Variants in SGCG observed in about 807,000 individuals in gnomAD.
SGCG encodes gamma-sarcoglycan.
SGCG carries 26 observed loss-of-function variants against 29.3 expected under a neutral mutation model. That is an observed-to-expected ratio of 0.89 (90% CI 0.65 to 1.23). The LOEUF (loss-of-function observed/expected upper bound fraction) is 1.23. Among genes scored for constraint, SGCG ranks in the 50% most tolerant of loss-of-function variants. The probability of loss-of-function intolerance (pLI) is 0.00; values close to 1 mark genes in which losing one functional copy is unlikely to be tolerated. For missense variants in SGCG, 353 were observed against 356.0 expected (o/e 0.99, Z 0.07); for synonymous variants, 145 against 129.7 (o/e 1.12, Z -0.80).
At chr13:23,177,281 T>C (rs924891371), upstream of SGCG, among the ~76,000 whole-genome samples, 4 of 152,114 alleles carry the variant, frequency 2.6e-5, no homozygotes, top group African/African-American at 9.7e-5. Context: ...TAGAAAGGTT[T>C]GGTGTCCTGT....
chr13:23,178,238 G>A (rs369918660), upstream of SGCG, among the ~76,000 whole-genome samples: 14 of 152,326 alleles, frequency 9.2e-5, no homozygotes, highest in East Asian at 1.6e-3. Context: ...GCCAGAGAAG[G>A]TGAATCTCCA....
At chr13:23,258,416 G>GT (rs139040509) in intron 4 of SGCG, among the ~76,000 whole-genome samples, 1,998 of 152,290 alleles carry the variant, frequency 0.013, 48 homozygotes, top group African/African-American at 0.046. Flanking sequence ...AGACATTGCT[G>GT]AAGTTGCTTA....
intron 5 of SGCG, among the ~76,000 whole-genome samples, chr13:23,284,182 T>C (rs992190508): frequency 6.6e-6 from 1 of 152,226 alleles, no homozygotes; most frequent in African/African-American, 2.4e-5. Context: ...TTCTCCTGGA[T>C]AATATCCTGA....
chr13:23,213,864 C>T (rs1037317153), intron 2 of SGCG, among the ~76,000 whole-genome samples: 36 of 152,256 alleles, frequency 2.4e-4, no homozygotes, highest in African/African-American at 8.4e-4. Context: ...CGAGGCTCAG[C>T]CTAGGGGTGG....
chr13:23,178,011 A>G (rs139452719), upstream of SGCG, among the ~76,000 whole-genome samples: 17 of 152,322 alleles, frequency 1.1e-4, no homozygotes, highest in African/African-American at 3.8e-4. Context: ...GACAAGGCAC[A>G]GAAGAGATGA....
chr13:23,197,891 A>G (rs999573319), intron 1 of SGCG, among the ~76,000 whole-genome samples: 1 of 152,232 alleles, frequency 6.6e-6, no homozygotes, highest in Non-Finnish European at 1.5e-5. Context: ...AATTTATGAA[A>G]TGAAATCATT....
the SGCG span, among the ~76,000 whole-genome samples, chr13:23,161,123 G>A: frequency 1.3e-5 from 2 of 152,160 alleles, no homozygotes; most frequent in East Asian, 3.9e-4. Flanking sequence ...TTACTTGGGG[G>A]TTTTAGAGGG....
chr13:23,319,213 G>A (rs995418437), intron 6 of SGCG, among the ~76,000 whole-genome samples: 13 of 151,602 alleles, frequency 8.6e-5, no homozygotes, highest in African/African-American at 3.2e-4. Flanking sequence ...CAGGAGAATC[G>A]CCTGAAGCCA....
At chr13:23,223,542 A>G (rs552621176) in intron 2 of SGCG, among the ~76,000 whole-genome samples, 1 of 152,364 alleles carries the variant, frequency 6.6e-6, no homozygotes, top group African/African-American at 2.4e-5. Flanking sequence ...TATTATTTTA[A>G]AGAAATTACT....
intron 6 of SGCG, among the ~76,000 whole-genome samples, chr13:23,315,118 A>G (rs373938229): frequency 6.6e-5 from 10 of 152,344 alleles, no homozygotes; most frequent in Admixed American, 5.9e-4. Flanking sequence ...GGTGAATCAC[A>G]GTGGAGGCCT....
chr13:23,300,912 A>T (rs1319999476), intron 6 of SGCG, among the ~76,000 whole-genome samples: 2 of 152,094 alleles, frequency 1.3e-5, no homozygotes, highest in African/African-American at 4.8e-5. Flanking sequence ...TCAGGAGATC[A>T]AGACCATCCT....
chr13:23,168,223 T>C, the SGCG span, among the ~76,000 whole-genome samples: 52 of 152,328 alleles, frequency 3.4e-4, no homozygotes, highest in Middle Eastern at 3.4e-3. Context: ...TAACTTGATG[T>C]GCCAGAAAAA....
At chr13:23,219,519 C>T (rs187356241) in intron 2 of SGCG, among the ~76,000 whole-genome samples, 36 of 152,114 alleles carry the variant, frequency 2.4e-4, no homozygotes, top group Non-Finnish European at 3.5e-4. Context: ...ATTTTTCTTC[C>T]TCTAGAAGAG....
chr13:23,160,710 TTCTCCTCCAACCTCCTAAACTAACCCC>T, the SGCG span, among the ~76,000 whole-genome samples: 1 of 152,108 alleles, frequency 6.6e-6, no homozygotes, highest in Non-Finnish European at 1.5e-5. Flanking sequence ...GGTCCCTTCC[TTCTCCTCCAACCTCCTAAACTAACCCC>T]TCTGTTGTTA....
the SGCG span, among the ~76,000 whole-genome samples, chr13:23,172,065 C>T: frequency 1.1e-4 from 17 of 152,308 alleles, no homozygotes; most frequent in East Asian, 1.9e-3. Context: ...CACAAGTCAT[C>T]TCCACTACCT....
At chr13:23,303,502 A>G (rs1027525587) in intron 6 of SGCG, among the ~76,000 whole-genome samples, 15 of 152,258 alleles carry the variant, frequency 9.9e-5, no homozygotes, top group African/African-American at 3.4e-4. Flanking sequence ...CAGTCAGTGC[A>G]CGGGAACCTC....
At chr13:23,213,046 A>G (rs1878288183) in intron 2 of SGCG, among the ~76,000 whole-genome samples, 2 of 152,230 alleles carry the variant, frequency 1.3e-5, no homozygotes, top group Non-Finnish European at 2.9e-5. Flanking sequence ...CATACAACAC[A>G]CGGAAACTTT....
At chr13:23,315,811 A>T (rs1440426447) in intron 6 of SGCG, among the ~76,000 whole-genome samples, 1 of 152,210 alleles carries the variant, frequency 6.6e-6, no homozygotes, top group Non-Finnish European at 1.5e-5. Flanking sequence ...TGACAAAGAA[A>T]TTTGGGGAAG....
the SGCG span, among the ~76,000 whole-genome samples, chr13:23,175,394 T>C: frequency 6.6e-6 from 1 of 152,308 alleles, no homozygotes; most frequent in East Asian, 1.9e-4. Flanking sequence ...TCTACTTTGA[T>C]AATTACTCTT....
Sources: allele counts gnomAD v4.1 joint callset (sites outside exome capture counted in the v4.1 genomes callset), GRCh38; gene constraint gnomAD v4.1.1; transcripts MANE v1.5; gene names NCBI Gene and HGNC (gene_info 2026-07-23, HGNC 2026-07-21).